MGLL: variants seen among roughly 807,000 people sequenced by gnomAD.
MGLL encodes the protein lysophospholipase homolog.
Under a neutral mutation model 29.1 loss-of-function variants are expected in MGLL, and 7 were observed. The ratio of observed to expected loss-of-function variants is 0.24; its 90% confidence interval spans 0.14 to 0.45. The LOEUF (loss-of-function observed/expected upper bound fraction) is 0.45. Ranked by LOEUF, MGLL falls within the 20% of genes least tolerant of loss-of-function variation. The pLI is 0.99. For synonymous variants in MGLL, 148 were observed against 168.3 expected (o/e 0.88, Z 0.93); for missense variants, 356 against 413.6 (o/e 0.86, Z 1.21).
intron 6 of MGLL, among the ~76,000 whole-genome samples, chr3:127,709,535 T>A (rs1576484944): frequency 6.6e-6 from 1 of 152,272 alleles, no homozygotes; most frequent in Non-Finnish European, 1.5e-5. Flanking sequence ...CCACAGTTTA[T>A]AATGAAGCTA....
At chr3:127,692,866 C>G (rs1209169922) in intron 7 of MGLL, among the ~76,000 whole-genome samples, 2 of 152,188 alleles carry the variant, frequency 1.3e-5, no homozygotes, top group African/African-American at 2.4e-5. Context: ...TTCAACCTAG[C>G]CGGCAGATCC....
At chr3:127,784,531 T>C (rs1408714609) in intron 2 of MGLL, among the ~76,000 whole-genome samples, 1 of 152,112 alleles carries the variant, frequency 6.6e-6, no homozygotes, top group Non-Finnish European at 1.5e-5. Context: ...GGCTGACAGA[T>C]ATAGCCGTCC....
At chr3:127,748,357 C>A (rs1413578751) in intron 3 of MGLL, among the ~76,000 whole-genome samples, 6 of 148,300 alleles carry the variant, frequency 4.0e-5, no homozygotes, top group African/African-American at 1.5e-4. Flanking sequence ...AGAGAGAGAC[C>A]ACACAACAGA....
chr3:127,781,576 G>A (rs185282988), intron 3 of MGLL, among the ~76,000 whole-genome samples: 21 of 152,356 alleles, frequency 1.4e-4, no homozygotes, highest in Admixed American at 1.4e-3. Flanking sequence ...TTTTCCAGTT[G>A]AGGTTTCTAA....
intron 6 of MGLL, among the ~76,000 whole-genome samples, chr3:127,702,477 T>C (rs1241545953): frequency 2.6e-5 from 4 of 152,210 alleles, no homozygotes; most frequent in Non-Finnish European, 4.4e-5. Context: ...GTGGCTGAAA[T>C]TCCTGAACCA....
chr3:127,811,878 T>A (rs2077668940), intron 2 of MGLL, among the ~76,000 whole-genome samples: 1 of 152,224 alleles, frequency 6.6e-6, no homozygotes, highest in Admixed American at 6.5e-5. Flanking sequence ...AACTGACCAT[T>A]GATACATGCA....
intron 3 of MGLL, among the ~76,000 whole-genome samples, chr3:127,756,584 A>G (rs34421818): frequency 0.13 from 19,811 of 152,166 alleles, 1,437 homozygotes; most frequent in African/African-American, 0.18. Flanking sequence ...ACTGAGAGGA[A>G]CAAACTATCT....
intron 2 of MGLL, among the ~76,000 whole-genome samples, chr3:127,802,440 C>T (rs1013356709): frequency 2.6e-5 from 4 of 152,224 alleles, no homozygotes; most frequent in Non-Finnish European, 5.9e-5. Flanking sequence ...ACTTTCCCAT[C>T]CTCCTGTAAT....
intron 3 of MGLL, among the ~76,000 whole-genome samples, chr3:127,768,856 C>G (rs2076900600): frequency 6.6e-6 from 1 of 152,238 alleles, no homozygotes; most frequent in Admixed American, 6.5e-5. Flanking sequence ...GCTTGCTAAA[C>G]ACTGACTGCT....
At chr3:127,721,232 A>G in intron 4 of MGLL, 69 bp from the exon 5 acceptor site, 1 of 1,355,490 alleles carries the variant, frequency 7.4e-7, no homozygotes, top group Non-Finnish European at 1.0e-6. Context: ...AATAAACATG[A>G]CCAATGCAGT....
intron 2 of MGLL, among the ~76,000 whole-genome samples, chr3:127,793,775 T>C (rs1048346871): frequency 6.1e-4 from 93 of 152,234 alleles, no homozygotes; most frequent in African/African-American, 2.0e-3. Context: ...TTGGCCAGGC[T>C]GGTCTCAACC....
chr3:127,787,559 G>A (rs2077234253), intron 2 of MGLL, among the ~76,000 whole-genome samples: 1 of 152,250 alleles, frequency 6.6e-6, no homozygotes, highest in African/African-American at 2.4e-5. Flanking sequence ...TTTTGTTAGA[G>A]GAAATGTATG....
chr3:127,821,542 T>C, intron 2 of MGLL, 152 bp downstream of exon 2: 1 of 777,510 alleles, frequency 1.3e-6, no homozygotes, highest in Non-Finnish European at 2.1e-6. Flanking sequence ...CATTTTAGCT[T>C]TGTTAACATT....
chr3:127,822,241 C>T, intron 1 of MGLL, 68 bp downstream of exon 1: 1 of 1,530,900 alleles, frequency 6.5e-7, no homozygotes, highest in East Asian at 2.2e-5. Flanking sequence ...TTCAAGTGGG[C>T]ACAATAATGA....
intron 6 of MGLL, among the ~76,000 whole-genome samples, chr3:127,706,673 G>A (rs1487047404): frequency 1.3e-5 from 2 of 152,174 alleles, no homozygotes; most frequent in Non-Finnish European, 2.9e-5. Flanking sequence ...GCAAATACTG[G>A]TAATAAGACT....
At chr3:127,799,578 G>A (rs1467001656) in intron 2 of MGLL, 2 of 152,184 alleles carry the variant, frequency 1.3e-5, no homozygotes, top group Admixed American at 6.5e-5. Context: ...AGCACAAGAT[G>A]TGTGTAAATA....
chr3:127,764,319 G>A (rs778778654), intron 3 of MGLL, among the ~76,000 whole-genome samples: 4 of 152,330 alleles, frequency 2.6e-5, no homozygotes, highest in Admixed American at 6.5e-5. Context: ...CAGAGAGAAC[G>A]AGGCTGCAGA....
intron 3 of MGLL, among the ~76,000 whole-genome samples, chr3:127,741,880 C>T (rs1170603063): frequency 6.6e-6 from 1 of 152,148 alleles, no homozygotes; most frequent in Non-Finnish European, 1.5e-5. Context: ...GATTTTTTTG[C>T]ACATTATTGC....
At chr3:127,740,394 G>C (rs1244971294) in intron 3 of MGLL, among the ~76,000 whole-genome samples, 1 of 151,928 alleles carries the variant, frequency 6.6e-6, no homozygotes, top group South Asian at 2.1e-4. Context: ...ACTGCTCTAG[G>C]ACTTCATGTA....
Sources: gnomAD v4.1 joint callset for allele counts (sites outside exome capture counted in the v4.1 genomes callset) on GRCh38, gnomAD v4.1.1 for gene constraint, MANE v1.5 for transcripts, NCBI Gene and HGNC (gene_info 2026-07-23, HGNC 2026-07-21) for gene names.